REPS1: variants seen among roughly 807,000 people sequenced by gnomAD.
REPS1 encodes the protein RALBP1 associated Eps domain containing 1, also known as ralBP1-associated Eps domain-containing protein 1.
Under a neutral mutation model 100.9 loss-of-function variants are expected in REPS1, and 39 were observed. The observed-to-expected ratio is 0.39, with a 90% CI of 0.30 to 0.50. REPS1 has a LOEUF of 0.50. REPS1 is among the 20% of genes least tolerant of loss of function. The pLI is 0.86. For synonymous variants in REPS1, 324 were observed against 340.3 expected, an observed-to-expected ratio of 0.95 and a Z score of 0.53; for missense variants, 821 against 968.5, an observed-to-expected ratio of 0.85 and a Z score of 2.02.
chr6:138,911,615 G>A (rs1167906072), intron 16 of REPS1, among the ~76,000 whole-genome samples: 2 of 151,952 alleles, frequency 1.3e-5, no homozygotes, highest in Non-Finnish European at 2.9e-5. Context: ...TGTAACAGAT[G>A]TGTGAGGGAG....
At chr6:138,980,692 G>GGGA (rs1784900430) in intron 1 of REPS1, among the ~76,000 whole-genome samples, 1 of 135,978 alleles carries the variant, frequency 7.4e-6, no homozygotes, top group African/African-American at 2.7e-5. Context: ...GGGCGGGGGG[G>GGGA]GGGGGGAACG....
At chr6:138,983,987 T>C (rs927200070) in intron 1 of REPS1, among the ~76,000 whole-genome samples, 3 of 152,042 alleles carry the variant, frequency 2.0e-5, no homozygotes, top group African/African-American at 7.2e-5. Context: ...CAAAGAATAA[T>C]CCTTGCCCCA....
At chr6:138,940,260 T>C (rs1782145090) in intron 8 of REPS1, among the ~76,000 whole-genome samples, 2 of 152,208 alleles carry the variant, frequency 1.3e-5, no homozygotes, top group South Asian at 4.1e-4. Flanking sequence ...CCAAATTCTA[T>C]TTGAACTTCC....
chr6:138,911,659 T>C (rs1780015732), intron 16 of REPS1, among the ~76,000 whole-genome samples: 1 of 144,816 alleles, frequency 6.9e-6, no homozygotes, highest in Non-Finnish European at 1.5e-5. Context: ...GTAACAGATG[T>C]GTGAGGGAGA....
chr6:138,926,380 C>T (rs763136029), intron 10 of REPS1, 21 bp downstream of exon 10: 3 of 1,561,646 alleles, frequency 1.9e-6, no homozygotes, highest in Non-Finnish European at 2.6e-6. Flanking sequence ...CTCAAACAAG[C>T]AAGCTAAGTG....
chr6:138,923,898 T>C (rs1780937637), intron 10 of REPS1, among the ~76,000 whole-genome samples: 1 of 151,510 alleles, frequency 6.6e-6, no homozygotes, highest in Non-Finnish European at 1.5e-5. Flanking sequence ...AAATGTTAAA[T>C]TCATAATAGA....
At chr6:138,952,203 G>T (rs1394669243) in intron 1 of REPS1, among the ~76,000 whole-genome samples, 3 of 152,004 alleles carry the variant, frequency 2.0e-5, no homozygotes, top group African/African-American at 7.3e-5. Flanking sequence ...CCTAGCCAGG[G>T]CAATTAGGGA....
At chr6:138,968,513 A>T (rs559329807) in intron 1 of REPS1, among the ~76,000 whole-genome samples, 13 of 152,092 alleles carry the variant, frequency 8.5e-5, no homozygotes, top group Middle Eastern at 3.4e-3. Context: ...GTTTTTTTCC[A>T]CTATGCCAGT....
At chr6:138,921,221 G>A in intron 10 of REPS1, 97 bp from the exon 11 acceptor site, 1 of 750,578 alleles carries the variant, frequency 1.3e-6, no homozygotes, top group Non-Finnish European at 2.2e-6. Context: ...CCAGTGGACA[G>A]GCTTTCCCAT....
intron 8 of REPS1, among the ~76,000 whole-genome samples, chr6:138,932,740 C>T (rs903345915): frequency 6.6e-6 from 1 of 152,170 alleles, no homozygotes; most frequent in Non-Finnish European, 1.5e-5. Context: ...AGCTGATAAT[C>T]TATAATAATT....
At chr6:138,983,929 T>C (rs1246858862) in intron 1 of REPS1, among the ~76,000 whole-genome samples, 1 of 152,182 alleles carries the variant, frequency 6.6e-6, no homozygotes, top group Non-Finnish European at 1.5e-5. Flanking sequence ...TTGTCTCTTT[T>C]AAAAAGTAAG....
chr6:138,941,938 G>A (rs1277615200), intron 7 of REPS1, among the ~76,000 whole-genome samples: 3 of 152,072 alleles, frequency 2.0e-5, no homozygotes, highest in Non-Finnish European at 4.4e-5. Flanking sequence ...GAGTGCAGTG[G>A]CACGATCTCG....
At chr6:138,931,604 G>A (rs1781488913) in intron 8 of REPS1, among the ~76,000 whole-genome samples, 1 of 152,046 alleles carries the variant, frequency 6.6e-6, no homozygotes, top group African/African-American at 2.4e-5. Flanking sequence ...TCTTTCTTAA[G>A]TCCTATATCT....
chr6:138,919,719 T>A (rs1027396530), intron 12 of REPS1, among the ~76,000 whole-genome samples: 4 of 152,226 alleles, frequency 2.6e-5, no homozygotes, highest in African/African-American at 9.6e-5. Flanking sequence ...TCCTTGACCA[T>A]CCTATTTAAA....
intron 11 of REPS1, 87 bp downstream of exon 11, chr6:138,920,950 G>A (rs1452763493): frequency 3.0e-5 from 27 of 913,620 alleles, no homozygotes; most frequent in Middle Eastern, 2.1e-4. Context: ...AAAAATAAGC[G>A]ATGAAAGAAA....
intron 8 of REPS1, among the ~76,000 whole-genome samples, chr6:138,931,217 CATATA>C (rs1347136926): frequency 6.6e-6 from 1 of 152,146 alleles, no homozygotes; most frequent in African/African-American, 2.4e-5. Context: ...AATAGACATC[CATATA>C]ATATAAGCTA....
intron 13 of REPS1, among the ~76,000 whole-genome samples, chr6:138,917,152 T>A (rs1251207405): frequency 6.6e-6 from 1 of 152,232 alleles, no homozygotes; most frequent in Non-Finnish European, 1.5e-5. Flanking sequence ...AAAGGTTATA[T>A]GTAACGCAGA....
intron 1 of REPS1, among the ~76,000 whole-genome samples, chr6:138,982,678 CT>C (rs752552901): frequency 1.1e-3 from 170 of 152,188 alleles, no homozygotes; most frequent in Non-Finnish European, 1.9e-3. Context: ...TCCCCCTCAT[CT>C]TGCTATTATG....
At chr6:138,943,747 ATTATT>A in intron 6 of REPS1, 101 bp downstream of exon 6, 1 of 1,116,178 alleles carries the variant, frequency 9.0e-7, no homozygotes, top group Non-Finnish European at 1.2e-6. Flanking sequence ...TAATCTGATA[ATTATT>A]TTATAATTAA....
Sources: allele counts gnomAD v4.1 joint callset (sites outside exome capture counted in the v4.1 genomes callset), GRCh38; gene constraint gnomAD v4.1.1; transcripts MANE v1.5; gene names NCBI Gene and HGNC (gene_info 2026-07-23, HGNC 2026-07-21).